Variants in STRN observed in about 807,000 individuals in gnomAD.
STRN encodes the protein protein phosphatase 2 regulatory subunit B'''alpha.
Under a neutral mutation model 96.3 loss-of-function variants are expected in STRN, and 53 were observed. The ratio of observed to expected loss-of-function variants is 0.55; its 90% CI spans 0.44 to 0.69. The LOEUF (loss-of-function observed/expected upper bound fraction) is 0.69, where lower values mean the gene tolerates loss of function less well. STRN is among the 30% of genes least tolerant of loss of function. The pLI, the probability that STRN is intolerant of heterozygous loss-of-function variation, is 0.00. For missense variants in STRN, 987 were observed against 963.9 expected (o/e 1.02, Z -0.32); for synonymous variants, 428 against 355.9 (o/e 1.20, Z -2.28).
In STRN at chr2:36,846,169, A is replaced by G. The variant is rs1668069479; in HGVS notation, c.*3287T>C. ...TTTTTCAATTCACATTTGAATAGCC[A>G]GGTTTTCTTACATTCAGATTTTAAT... On this transcript the variant is annotated 3_prime_UTR_variant, in exon 18 of 18. Transcript: ENST00000263918. 1 of 151,108 alleles carries G rather than the reference A, an allele frequency of 6.6e-6. No individual in the cohort carries two copies. Among genetic ancestry groups the G allele is most frequent in the South Asian group, 2.1e-4 (1 of 4,804 alleles). 9.4% of individuals were successfully genotyped at this position (151,108 alleles called of 1,614,324 possible). A position where few individuals can be genotyped will look rare whatever the true frequency, so the allele number is the denominator to read the frequency against.
rs1667990458 is a variant in STRN at position 36,843,226 on chromosome 2, A to G, written c.*6230T>C. Among the ~76,000 whole-genome samples the G allele has an allele frequency of 6.6e-6, 1 of 152,162 alleles. No individual in the cohort carries two copies. Among genetic ancestry groups the G allele is most frequent in the Non-Finnish European group, 1.5e-5 (1 of 68,032 alleles). On this transcript the variant is annotated 3_prime_UTR_variant, in exon 18 of 18. Transcript: ENST00000263918. ...AGTATACCAGCATACAGAACACCAAACAATGGTGGATAGTTTCAAGGATAT... is the reference window on the plus strand; with the variant it reads ...AGTATACCAGCATACAGAACACCAAGCAATGGTGGATAGTTTCAAGGATAT...
intron 1 of STRN, among the ~76,000 whole-genome samples, chr2:36,952,630 A>C (rs1001533761): frequency 6.6e-6 from 1 of 152,254 alleles, no homozygotes; most frequent in Middle Eastern, 3.2e-3. Flanking sequence ...TTGTAGATAT[A>C]AAGCACTTAG....
At chr2:36,966,198 G>T (rs1267801998) in intron 1 of STRN, 32 bp downstream of exon 1, 4 of 1,514,946 alleles carry the variant, frequency 2.6e-6, no homozygotes, top group Non-Finnish European at 3.5e-6. Context: ...AAAGAGGCGG[G>T]ATGAAGACGG....
At chr2:36,902,539 T>G (rs780208636) in intron 5 of STRN, 45 bp downstream of exon 5, 1 of 1,473,876 alleles carries the variant, frequency 6.8e-7, no homozygotes, top group South Asian at 1.5e-5. Context: ...AAATATTTAA[T>G]AAGAACTAAT....
At chr2:36,856,097 C>T (rs1457939200) in intron 14 of STRN, among the ~76,000 whole-genome samples, 1 of 151,996 alleles carries the variant, frequency 6.6e-6, no homozygotes, top group Non-Finnish European at 1.5e-5. Flanking sequence ...CAAAGAAATG[C>T]AAATAAACTA....
At position 36,873,673 on chromosome 2, in the gene STRN, G is replaced by A. The variant is rs141661890; in HGVS notation, c.1324-3944C>T. Among the ~76,000 whole-genome samples the A allele has an allele frequency of 7.6e-3, 1,160 of 152,170 alleles. 11 individuals are homozygous for A. Among genetic ancestry groups the A allele is most frequent in the African/African-American group, 0.016 (662 of 41,518 alleles). Reference sequence around the variant, plus strand: ...TAAAAAAAAGAATTCGGCCAGGCGCGGTGGCTCACACCTGTAATCCCAGCA... The same window carrying A: ...TAAAAAAAAGAATTCGGCCAGGCGCAGTGGCTCACACCTGTAATCCCAGCA... On this transcript the variant is annotated intron_variant, in intron 10 of 17. Coordinates refer to ENST00000263918, the MANE Select transcript of STRN (RefSeq NM_003162.4).
chr2:36,892,546 T>C lies in STRN; in HGVS notation c.931+1352A>G, dbSNP rs1424108773. Among the ~76,000 whole-genome samples, 3 of 152,172 alleles carry C rather than the reference T, an allele frequency of 2.0e-5. No homozygotes were observed. In the East Asian group the frequency reaches 5.8e-4, roughly 29 times the overall value. On this transcript the variant is annotated intron_variant, in intron 7 of 17. Coordinates refer to ENST00000263918, the MANE Select transcript of STRN (RefSeq NM_003162.4). ...CAATATTGAAAAGATAACAATTAGC[T>C]GCAAATTATTTACATATATATGAAA...
chr2:36,960,482 G>T (rs1464427429), intron 1 of STRN, among the ~76,000 whole-genome samples: 1 of 152,136 alleles, frequency 6.6e-6, no homozygotes, highest in African/African-American at 2.4e-5. Flanking sequence ...CTGGGGATGA[G>T]GAGATAACCG....
intron 4 of STRN, among the ~76,000 whole-genome samples, chr2:36,903,926 A>G (rs1329536471): frequency 2.0e-5 from 3 of 152,246 alleles, no homozygotes; most frequent in Non-Finnish European, 2.9e-5. Context: ...TGGCAACAAA[A>G]TCACATTACA....
chr2:36,949,890 G>C (rs564002404), intron 1 of STRN, among the ~76,000 whole-genome samples: 10 of 152,262 alleles, frequency 6.6e-5, no homozygotes, highest in African/African-American at 2.4e-4. Flanking sequence ...CCAAAGAAAA[G>C]GAATTAGGTA....
chr2:36,899,466 T>C (rs1221287095), intron 6 of STRN, 57 bp downstream of exon 6: 3 of 1,494,230 alleles, frequency 2.0e-6, no homozygotes, highest in East Asian at 4.7e-5. Context: ...TTATGCATTA[T>C]ACAGTATGTA....
chr2:36,852,544 T>C (rs757628752), intron 15 of STRN, among the ~76,000 whole-genome samples: 25 of 152,124 alleles, frequency 1.6e-4, no homozygotes, highest in Non-Finnish European at 1.6e-4. Context: ...GAATTAAAAA[T>C]TATACACATA....
At chr2:36,889,092 T>A (rs1056816173) in intron 7 of STRN, among the ~76,000 whole-genome samples, 1 of 152,156 alleles carries the variant, frequency 6.6e-6, no homozygotes, top group African/African-American at 2.4e-5. Flanking sequence ...ATTTATCACC[T>A]TCTGACATAC....
rs1313296768 is a variant in STRN, at chr2:36,842,362, A to T, written c.*7094T>A. 2 of 152,222 alleles carry T rather than the reference A, an allele frequency of 1.3e-5. No individual in the cohort carries two copies. Among genetic ancestry groups the T allele is most frequent in the Admixed American group, 6.5e-5 (1 of 15,270 alleles). 9.4% of individuals were successfully genotyped at this position (152,222 alleles called of 1,614,324 possible). On this transcript the variant is annotated 3_prime_UTR_variant, in exon 18 of 18. Coordinates refer to ENST00000263918, the MANE Select transcript of STRN (RefSeq NM_003162.4). ...ATTTTATGATGGCATAAGAAATTAT[A>T]GCACATAAATTAATAACACTATAGT...
intron 1 of STRN, among the ~76,000 whole-genome samples, chr2:36,952,272 T>A (rs1374143629): frequency 1.3e-5 from 2 of 152,162 alleles, no homozygotes. Context: ...TGGTGCTGGA[T>A]AACAATGCTT....
intron 3 of STRN, among the ~76,000 whole-genome samples, chr2:36,915,343 T>C (rs895178188): frequency 5.5e-5 from 8 of 146,706 alleles, no homozygotes; most frequent in African/African-American, 1.2e-4. Context: ...AGATATCTGA[T>C]TGGGAAATTT....
chr2:36,871,025 A>T (rs1027205807), intron 10 of STRN, among the ~76,000 whole-genome samples: 59 of 152,352 alleles, frequency 3.9e-4, no homozygotes, highest in African/African-American at 1.4e-3. Context: ...CTTATAGAGT[A>T]AGGATATAAA....
At chr2:36,929,133 T>C (rs188928944) in intron 1 of STRN, among the ~76,000 whole-genome samples, 196 of 152,250 alleles carry the variant, frequency 1.3e-3, no homozygotes, top group Non-Finnish European at 1.9e-3. Context: ...TTTCACAGTA[T>C]AGAAAATTAT....
intron 1 of STRN, among the ~76,000 whole-genome samples, chr2:36,947,930 T>G (rs1664636836): frequency 6.6e-6 from 1 of 151,974 alleles, no homozygotes; most frequent in African/African-American, 2.4e-5. Flanking sequence ...ACTAAGGGTA[T>G]GCAGTTAAAG....
Sources: gnomAD v4.1 joint callset for allele counts (sites outside exome capture counted in the v4.1 genomes callset) on GRCh38, gnomAD v4.1.1 for gene constraint, MANE v1.5 for transcripts, NCBI Gene and HGNC (gene_info 2026-07-23, HGNC 2026-07-21) for gene names.